The following SOX5 variants were observed in gnomAD, a reference collection of about 807,000 sequenced individuals.
SOX5 encodes the protein SRY-box transcription factor 5, also known as transcription factor SOX-5.
SOX5 carries 9 observed loss-of-function variants against 92.0 expected under a neutral mutation model. The observed-to-expected ratio is 0.10, with a 90% CI of 0.06 to 0.17. The LOEUF (loss-of-function observed/expected upper bound fraction) is 0.17. Ranked by LOEUF, SOX5 falls within the 10% of genes least tolerant of loss-of-function variation. SOX5 has a pLI of 1.00. For synonymous variants in SOX5, 344 were observed against 336.3 expected (o/e 1.02, Z -0.25); for missense variants, 642 against 944.5 (o/e 0.68, Z 4.20).
chr12:24,411,878 G>A (rs539301145), intron 1 of SOX5, among the ~76,000 whole-genome samples: 1 of 152,132 alleles, frequency 6.6e-6, no homozygotes, highest in East Asian at 1.9e-4. Context: ...TTAAATGTTT[G>A]GTAGAATTAT....
chr12:24,400,797 T>C (rs1416808488), intron 1 of SOX5, among the ~76,000 whole-genome samples: 3 of 152,290 alleles, frequency 2.0e-5, no homozygotes, highest in East Asian at 3.9e-4. Context: ...TAGGTTCAAA[T>C]AAGGTATGTG....
chr12:24,229,814 G>A (rs994002562), intron 3 of SOX5, among the ~76,000 whole-genome samples: 1 of 152,108 alleles, frequency 6.6e-6, no homozygotes, highest in Non-Finnish European at 1.5e-5. Context: ...CAATAAAAGG[G>A]GGAACAAAAT....
intron 6 of SOX5, among the ~76,000 whole-genome samples, chr12:23,678,649 T>C (rs2086088742): frequency 6.6e-6 from 1 of 152,138 alleles, no homozygotes; most frequent in Non-Finnish European, 1.5e-5. Flanking sequence ...ATTTTTTCTA[T>C]GTTGACCTTT....
intron 4 of SOX5, 54 bp downstream of exon 4, chr12:23,755,584 G>T: frequency 7.9e-7 from 1 of 1,268,944 alleles, no homozygotes; most frequent in Non-Finnish European, 1.1e-6. Flanking sequence ...TACTATTTCT[G>T]AATATCAACT....
intron 8 of SOX5, among the ~76,000 whole-genome samples, chr12:23,634,334 A>G (rs2078942656): frequency 6.6e-6 from 1 of 152,198 alleles, no homozygotes. Flanking sequence ...AGAAAAATGT[A>G]GAATAAAAGA....
intron 4 of SOX5, among the ~76,000 whole-genome samples, chr12:24,059,410 T>C (rs970174097): frequency 1.3e-5 from 2 of 152,172 alleles, no homozygotes; most frequent in Non-Finnish European, 2.9e-5. Context: ...TTTCAAGCCA[T>C]TGAAACAATT....
chr12:23,706,959 T>G (rs1190036187), intron 6 of SOX5, among the ~76,000 whole-genome samples: 1 of 152,088 alleles, frequency 6.6e-6, no homozygotes, highest in Non-Finnish European at 1.5e-5. Context: ...AAACCTCACT[T>G]CAGACTATAT....
chr12:23,806,343 G>A (rs181830337), intron 3 of SOX5, among the ~76,000 whole-genome samples: 8 of 152,206 alleles, frequency 5.3e-5, no homozygotes, highest in African/African-American at 9.6e-5. Context: ...CAAGAAGCAC[G>A]CATCAACACC....
At chr12:24,537,417 T>G (rs1951738262) in intron 1 of SOX5, among the ~76,000 whole-genome samples, 1 of 152,238 alleles carries the variant, frequency 6.6e-6, no homozygotes, top group Non-Finnish European at 1.5e-5. Flanking sequence ...TGATAGGTTC[T>G]TTTTAATGTC....
intron 3 of SOX5, among the ~76,000 whole-genome samples, chr12:23,794,645 T>C (rs1318829490): frequency 6.6e-6 from 1 of 152,182 alleles, no homozygotes; most frequent in African/African-American, 2.4e-5. Context: ...TTCATGTTCC[T>C]TGTAAGAAGA....
At chr12:24,293,626 T>C (rs756098419) in intron 2 of SOX5, among the ~76,000 whole-genome samples, 8 of 152,196 alleles carry the variant, frequency 5.3e-5, no homozygotes, top group Non-Finnish European at 1.2e-4. Flanking sequence ...GATTATATAA[T>C]TTAGAGACAG....
At chr12:24,249,102 G>A (rs984398825) in intron 3 of SOX5, among the ~76,000 whole-genome samples, 6 of 152,188 alleles carry the variant, frequency 3.9e-5, no homozygotes, top group African/African-American at 1.4e-4. Flanking sequence ...TCCTGAAGCA[G>A]TCATTTCACA....
intron 2 of SOX5, among the ~76,000 whole-genome samples, chr12:24,351,830 CACTT>C (rs1397927630): frequency 6.6e-6 from 1 of 152,178 alleles, no homozygotes; most frequent in African/African-American, 2.4e-5. Context: ...AGATTATTTG[CACTT>C]ACTTTCTTTC....
intron 1 of SOX5, among the ~76,000 whole-genome samples, chr12:23,913,073 T>C (rs908021256): frequency 4.6e-5 from 7 of 152,154 alleles, no homozygotes; most frequent in African/African-American, 1.4e-4. Flanking sequence ...AGAAACTAGC[T>C]CAGAGATATT....
chr12:24,137,135 T>C (rs940254290), intron 4 of SOX5, among the ~76,000 whole-genome samples: 3 of 152,224 alleles, frequency 2.0e-5, no homozygotes, highest in African/African-American at 4.8e-5. Context: ...TGGTTTGTTG[T>C]ACATAGGAAA....
intron 3 of SOX5, among the ~76,000 whole-genome samples, chr12:24,215,412 T>C (rs965616664): frequency 6.6e-6 from 1 of 152,102 alleles, no homozygotes; most frequent in Non-Finnish European, 1.5e-5. Context: ...GGTTGCAGGA[T>C]AGTTGATCAA....
intron 1 of SOX5, among the ~76,000 whole-genome samples, chr12:24,523,550 C>T (rs1332535321): frequency 1.3e-5 from 2 of 152,046 alleles, no homozygotes; most frequent in African/African-American, 4.8e-5. Flanking sequence ...ACATGTGGAC[C>T]GATGGATCAG....
intron 3 of SOX5, among the ~76,000 whole-genome samples, chr12:23,808,120 T>C (rs1340052463): frequency 2.0e-5 from 3 of 152,036 alleles, no homozygotes. Flanking sequence ...TTCTGATATA[T>C]ATATATATAT....
At chr12:24,008,312 G>C (rs1228812011) in intron 4 of SOX5, among the ~76,000 whole-genome samples, 2 of 152,108 alleles carry the variant, frequency 1.3e-5, no homozygotes, top group East Asian at 3.9e-4. Context: ...GAGAATAAAA[G>C]CATTCTACAA....
Sources: gnomAD v4.1 joint callset for allele counts (sites outside exome capture counted in the v4.1 genomes callset) on GRCh38, gnomAD v4.1.1 for gene constraint, MANE v1.5 for transcripts, NCBI Gene and HGNC (gene_info 2026-07-23, HGNC 2026-07-21) for gene names.